The following CD99 variants were observed in gnomAD, a reference collection of about 807,000 sequenced individuals.
CD99 encodes the protein CD99 antigen.
In CD99, 19 loss-of-function variants were observed where a neutral mutation model predicts 28.4. The ratio of observed to expected loss-of-function variants is 0.67; its 90% CI spans 0.47 to 0.98. CD99 has a LOEUF of 0.98. Among genes scored for constraint, CD99 ranks in the 50% least tolerant of loss-of-function variants. The probability of loss-of-function intolerance (pLI) is 0.00; values close to 1 mark genes in which losing one functional copy is unlikely to be tolerated. For synonymous variants in CD99, 103 were observed against 92.1 expected (o/e 1.12, Z -0.67); for missense variants, 283 against 248.8 (o/e 1.14, Z -0.92).
chrX:2,731,058 T>C (rs1346629945), intron 8 of CD99, among the ~76,000 whole-genome samples: 3 of 152,180 alleles, frequency 2.0e-5, no homozygotes, highest in African/African-American at 4.8e-5. Context: ...ACCTGAATTA[T>C]AAAATGAGTT....
At chrX:2,734,563 T>C (rs1034926832) in intron 8 of CD99, among the ~76,000 whole-genome samples, 9 of 151,918 alleles carry the variant, frequency 5.9e-5, no homozygotes, top group African/African-American at 1.2e-4. Context: ...TGCCTCAACC[T>C]TCCAAAGTGC....
chrX:2,709,279 C>G (rs775310882), intron 1 of CD99, among the ~76,000 whole-genome samples: 1 of 100,994 alleles, frequency 9.9e-6, no homozygotes, highest in Non-Finnish European at 2.8e-5. Context: ...CACATGTGCA[C>G]GTGAGCACAC....
At chrX:2,717,372 G>T (rs1341005612) in intron 2 of CD99, 1 of 513,316 alleles carries the variant, frequency 1.9e-6, no homozygotes. Context: ...AAGAAGTGGA[G>T]AAGGGGCTCC....
chrX:2,708,204 TCACA>T (rs753423045), intron 1 of CD99, among the ~76,000 whole-genome samples: 4 of 152,200 alleles, frequency 2.6e-5, no homozygotes, highest in East Asian at 3.9e-4. Flanking sequence ...ACTGTGTCCC[TCACA>T]CACCTGGAAG....
At position 2,740,982 on chromosome X, in the gene CD99, C is replaced by T. The variant is rs947399735; in HGVS notation, c.*178C>T. On this transcript the variant is annotated 3_prime_UTR_variant, in exon 10 of 10. Transcript: ENST00000381192. ...TTGCTGGGCGGATGATGTTTACTAA[C>T]GATGAATTTTACATCCAAAGGGGGA... The T allele has an allele frequency of 3.0e-5, 22 of 738,430 alleles. No individual in the cohort carries two copies. Among genetic ancestry groups the T allele is most frequent in the African/African-American group, 1.2e-4 (7 of 57,354 alleles). 45.7% of individuals were successfully genotyped at this position (738,430 alleles called of 1,614,324 possible).
intron 7 of CD99, among the ~76,000 whole-genome samples, chrX:2,725,011 G>A (rs1294736684): frequency 3.3e-5 from 5 of 150,982 alleles, no homozygotes; most frequent in Non-Finnish European, 7.4e-5. Context: ...GCAGTGAGCC[G>A]AGATCGCACC....
intron 8 of CD99, among the ~76,000 whole-genome samples, chrX:2,736,964 G>A (rs932111865): frequency 1.3e-5 from 2 of 151,872 alleles, no homozygotes; most frequent in Non-Finnish European, 2.9e-5. Flanking sequence ...TACACAAGAC[G>A]CCTTGGCTGT....
At chrX:2,703,983 A>G (rs1342188842) in intron 1 of CD99, among the ~76,000 whole-genome samples, 3 of 151,904 alleles carry the variant, frequency 2.0e-5, no homozygotes, top group Non-Finnish European at 4.4e-5. Context: ...GAGCCTCAGA[A>G]CTCCTGAAGG....
chrX:2,729,541 C>T (rs140919040), intron 8 of CD99, among the ~76,000 whole-genome samples: 163 of 152,150 alleles, frequency 1.1e-3, no homozygotes, highest in Admixed American at 1.6e-3. Flanking sequence ...CTGGTCTCTC[C>T]CTGGACACAT....
At position 2,728,096 on chromosome X, in the gene CD99, C is replaced by T. The variant is rs759603130; in HGVS notation, c.475+1723C>T. 1.3e-5 allele frequency among the ~76,000 whole-genome samples: 2 copies of T among 151,888 alleles called. 1 individual carries two copies. Among genetic ancestry groups the T allele is most frequent in the East Asian group, 3.9e-4 (2 of 5,166 alleles). ...ATCTCAAGACTTTAAATGAGCTGCT[C>T]GTGTTTATTTCCCCGTTCTTGCTGT... On this transcript the variant is annotated intron_variant, in intron 8 of 9. Coordinates refer to ENST00000381192, the MANE Select transcript of CD99 (RefSeq NM_002414.5).
chrX:2,713,540 T>A (rs1432294958), intron 1 of CD99, among the ~76,000 whole-genome samples: 1 of 152,042 alleles, frequency 6.6e-6, no homozygotes, highest in Non-Finnish European at 1.5e-5. Flanking sequence ...ACATGCACAC[T>A]CACACACACA....
chrX:2,726,324 C>T lies in CD99; in HGVS notation c.426C>T (p.Ile142=), dbSNP rs761757400. 1 of 1,612,224 alleles carries T rather than the reference C, an allele frequency of 6.2e-7. No individual in the cohort carries two copies. The highest frequency in any genetic ancestry group is 2.2e-5 in the East Asian group (1 of 44,880). The change falls in exon 8 of 10, where the codon ATC becomes ATT. Residue 142 remains isoleucine (I), a synonymous_variant. Coordinates refer to ENST00000381192, the MANE Select transcript of CD99 (RefSeq NM_002414.5). ...GAVVVAVAGA[I]SSFIAYQKKK... is the part of the protein sequence containing the mutation. ...TCGTGGTCGCCGTGGCTGGAGCCATCTCTAGCTTCATTGCTTACCAGAAAA... is the reference window on the plus strand; with the variant it reads ...TCGTGGTCGCCGTGGCTGGAGCCATTTCTAGCTTCATTGCTTACCAGAAAA...
At chrX:2,720,939 T>C (rs759790864) in intron 5 of CD99, among the ~76,000 whole-genome samples, 1 of 152,358 alleles carries the variant, frequency 6.6e-6, no homozygotes, top group Admixed American at 6.5e-5. Flanking sequence ...TTTGCTACTT[T>C]TGTTTCCAAG....
intron 9 of CD99, among the ~76,000 whole-genome samples, chrX:2,738,743 A>G (rs2050067565): frequency 1.3e-5 from 2 of 151,884 alleles, no homozygotes; most frequent in South Asian, 4.2e-4. Flanking sequence ...AAAAGTTCCA[A>G]GTGGCACACG....
At chrX:2,709,644 C>T (rs781641094) in intron 1 of CD99, among the ~76,000 whole-genome samples, 70 of 152,020 alleles carry the variant, frequency 4.6e-4, no homozygotes, top group African/African-American at 8.9e-4. Context: ...CATGAGCACG[C>T]GTATATGAAA....
chrX:2,693,204 A>G (rs178019), intron 1 of CD99, among the ~76,000 whole-genome samples: 58,543 of 150,824 alleles, frequency 0.39, 11,762 homozygotes, highest in African/African-American at 0.5. Flanking sequence ...GTGTAGTGGC[A>G]CGATGTCGGC....
intron 1 of CD99, among the ~76,000 whole-genome samples, chrX:2,710,375 A>C (rs5939112): frequency 0.49 from 73,808 of 151,862 alleles, 18,378 homozygotes; most frequent in Non-Finnish European, 0.54. Flanking sequence ...GAGTCACTTT[A>C]AGGGGATTGT....
intron 1 of CD99, among the ~76,000 whole-genome samples, chrX:2,696,452 G>A (rs1380185462): frequency 6.6e-6 from 1 of 152,140 alleles, no homozygotes; most frequent in Non-Finnish European, 1.5e-5. Flanking sequence ...CCAGGCTGGA[G>A]TGCGATGGTG....
intron 1 of CD99, among the ~76,000 whole-genome samples, chrX:2,701,482 C>T (rs2047860109): frequency 1.3e-5 from 2 of 152,244 alleles, no homozygotes; most frequent in African/African-American, 4.8e-5. Context: ...GCAGGGACTA[C>T]ACTTGTTCAG....
Sources: gnomAD v4.1 joint callset for allele counts (sites outside exome capture counted in the v4.1 genomes callset) on GRCh38, gnomAD v4.1.1 for gene constraint, MANE v1.5 for transcripts, NCBI Gene and HGNC (gene_info 2026-07-23, HGNC 2026-07-21) for gene names.